Variants in GALNTL6 observed in about 807,000 individuals in gnomAD.
The protein encoded by GALNTL6 is polypeptide N-acetylgalactosaminyltransferase-like 6.
Under a neutral mutation model 73.7 loss-of-function variants are expected in GALNTL6, and 46 were observed. The ratio of observed to expected loss-of-function variants is 0.62; its 90% CI spans 0.49 to 0.80. The LOEUF is 0.80. GALNTL6 is among the 30% of genes least tolerant of loss of function. The pLI is 0.00. For synonymous variants in GALNTL6, 259 were observed against 263.7 expected (o/e 0.98, Z 0.17); for missense variants, 604 against 755.0 (o/e 0.80, Z 2.34).
At chr4:172,168,693 G>C (rs1734714122) in intron 2 of GALNTL6, among the ~76,000 whole-genome samples, 1 of 152,084 alleles carries the variant, frequency 6.6e-6, no homozygotes, top group Non-Finnish European at 1.5e-5. Context: ...TAATAATGAT[G>C]ATGGTGATGA....
At chr4:172,122,758 C>T (rs1051879473) in intron 2 of GALNTL6, among the ~76,000 whole-genome samples, 6 of 152,188 alleles carry the variant, frequency 3.9e-5, no homozygotes, top group Admixed American at 1.3e-4. Flanking sequence ...TCTCTTTTTG[C>T]TGACTGTCAG....
chr4:172,843,966 G>T (rs954450221), intron 7 of GALNTL6, among the ~76,000 whole-genome samples: 2 of 152,166 alleles, frequency 1.3e-5, no homozygotes, highest in African/African-American at 4.8e-5. Context: ...GGCTGAGGCA[G>T]GAGAATCGCT....
intron 5 of GALNTL6, among the ~76,000 whole-genome samples, chr4:172,796,041 A>G (rs1740242273): frequency 6.6e-6 from 1 of 151,660 alleles, no homozygotes. Context: ...AAACAGGAAA[A>G]TATGAACAGT....
chr4:172,624,573 A>G (rs2111079137), intron 5 of GALNTL6, among the ~76,000 whole-genome samples: 1 of 152,128 alleles, frequency 6.6e-6, no homozygotes, highest in East Asian at 1.9e-4. Flanking sequence ...CTAAACATTG[A>G]CCTCTAAAGT....
intron 3 of GALNTL6, among the ~76,000 whole-genome samples, chr4:172,303,802 CT>C (rs1740026037): frequency 6.6e-6 from 1 of 152,084 alleles, no homozygotes. Flanking sequence ...TGTTTTATAT[CT>C]TTTGACTTAC....
In GALNTL6 at chr4:171,814,602, T is replaced by G; in HGVS notation, c.22T>G (p.Phe8Val). MKRKQKR[F>V]LQMTLLFTVA... Reference sequence around the variant, plus strand: ...TGCAATGAAGAGGAAACAGAAGAGATTTCTGCAGATGACTTTGTTGTTCAC... The same window carrying G: ...TGCAATGAAGAGGAAACAGAAGAGAGTTCTGCAGATGACTTTGTTGTTCAC... The change falls in exon 2 of 13, where the codon TTT becomes GTT. Residue 8 changes from phenylalanine to valine, a missense_variant. By Grantham distance (50) the Phe-to-Val change is conservative. This residue lies in a region of GALNTL6 where 141 missense variants were observed against 156.6 expected (regional missense o/e 0.90). Coordinates refer to ENST00000506823, the MANE Select transcript of GALNTL6 (RefSeq NM_001034845.3). 1 of 1,614,104 alleles carries G rather than the reference T, an allele frequency of 6.2e-7. No homozygotes were observed. The highest frequency in any genetic ancestry group is 8.5e-7 in the Non-Finnish European group (1 of 1,180,000).
chr4:172,031,825 A>G (rs1025633239), intron 2 of GALNTL6, among the ~76,000 whole-genome samples: 2 of 152,062 alleles, frequency 1.3e-5, no homozygotes, highest in African/African-American at 4.8e-5. Flanking sequence ...GTAATAATTT[A>G]TATATAAAGT....
At chr4:172,678,534 A>G (rs1248959823) in intron 5 of GALNTL6, among the ~76,000 whole-genome samples, 1 of 152,112 alleles carries the variant, frequency 6.6e-6, no homozygotes, top group Non-Finnish European at 1.5e-5. Context: ...TAGTAGAGAC[A>G]GGGTTTCTCC....
chr4:172,348,249 A>G (rs1191313065), intron 4 of GALNTL6, among the ~76,000 whole-genome samples: 3 of 152,246 alleles, frequency 2.0e-5, no homozygotes, highest in Non-Finnish European at 1.5e-5. Flanking sequence ...AAAAATGTAC[A>G]TCAACAAGAG....
At chr4:172,251,309 T>C (rs1022345197) in intron 3 of GALNTL6, among the ~76,000 whole-genome samples, 2 of 152,110 alleles carry the variant, frequency 1.3e-5, no homozygotes, top group African/African-American at 4.8e-5. Context: ...TGGGGAGTAA[T>C]TTGCTTTACC....
At chr4:172,879,499 GA>G (rs1413267743) in intron 7 of GALNTL6, among the ~76,000 whole-genome samples, 1 of 151,806 alleles carries the variant, frequency 6.6e-6, no homozygotes, top group African/African-American at 2.4e-5. Flanking sequence ...CAAATATTTG[GA>G]AACTAAGTTA....
At chr4:172,043,083 C>A (rs945836741) in intron 2 of GALNTL6, among the ~76,000 whole-genome samples, 4 of 151,872 alleles carry the variant, frequency 2.6e-5, no homozygotes, top group Admixed American at 1.3e-4. Context: ...ATATGTCCCG[C>A]CCTTTCTCAT....
intron 2 of GALNTL6, among the ~76,000 whole-genome samples, chr4:171,862,968 A>G (rs1290453894): frequency 2.6e-5 from 4 of 152,200 alleles, no homozygotes; most frequent in Non-Finnish European, 5.9e-5. Context: ...ACCAAAATAT[A>G]TTTGACAATA....
intron 2 of GALNTL6, among the ~76,000 whole-genome samples, chr4:172,165,026 A>C (rs1734579652): frequency 6.6e-6 from 1 of 152,132 alleles, no homozygotes; most frequent in Admixed American, 6.5e-5. Flanking sequence ...GAGGTTAAGG[A>C]AAATCTGGAC....
intron 5 of GALNTL6, among the ~76,000 whole-genome samples, chr4:172,790,912 A>AC (rs1453455380): frequency 6.6e-6 from 1 of 151,736 alleles, no homozygotes; most frequent in Admixed American, 6.6e-5. Flanking sequence ...AAAAAAAAAA[A>AC]AAAAAGCATC....
intron 5 of GALNTL6, among the ~76,000 whole-genome samples, chr4:172,454,612 G>A (rs570747291): frequency 5.8e-4 from 88 of 152,322 alleles, no homozygotes; most frequent in African/African-American, 1.7e-3. Flanking sequence ...AATAATTGGT[G>A]CCCAAGTGTC....
chr4:172,156,540 A>AGTATATATGTAT (rs58197299), intron 2 of GALNTL6, among the ~76,000 whole-genome samples: 2 of 125,186 alleles, frequency 1.6e-5, no homozygotes, highest in African/African-American at 6.8e-5. Context: ...ATATATATAT[A>AGTATATATGTAT]ATATATATAT....
At chr4:172,361,546 C>G (rs1379060983) in intron 5 of GALNTL6, among the ~76,000 whole-genome samples, 1 of 152,134 alleles carries the variant, frequency 6.6e-6, no homozygotes, top group Non-Finnish European at 1.5e-5. Context: ...GATTCTGGGT[C>G]TGTACTTAGC....
intron 2 of GALNTL6, among the ~76,000 whole-genome samples, chr4:172,131,594 C>CTG (rs1174180580): frequency 2.0e-5 from 3 of 151,082 alleles, no homozygotes; most frequent in Non-Finnish European, 4.4e-5. Flanking sequence ...TGCTTCTTTC[C>CTG]TGTGCTCTTT....
Sources: allele counts gnomAD v4.1 joint callset (sites outside exome capture counted in the v4.1 genomes callset), GRCh38; gene constraint gnomAD v4.1.1; regional missense constraint gnomAD v4.1.1; transcripts MANE v1.5; gene names NCBI Gene and HGNC (gene_info 2026-07-23, HGNC 2026-07-21).